Variants in NKAIN2 observed in about 807,000 individuals in gnomAD.
NKAIN2 encodes sodium/potassium transporting ATPase interacting 2.
A neutral mutation model predicts 32.6 loss-of-function variants in NKAIN2; 14 were observed. The ratio of observed to expected loss-of-function variants is 0.43; its 90% CI spans 0.28 to 0.67. The LOEUF is 0.67. NKAIN2 is among the 30% of genes least tolerant of loss of function. The pLI is 0.17. For synonymous variants in NKAIN2, 80 were observed against 87.2 expected (o/e 0.92, Z 0.46); for missense variants, 198 against 258.3 (o/e 0.77, Z 1.60).
At chr6:124,697,212 A>C (rs1774539308) in intron 4 of NKAIN2, among the ~76,000 whole-genome samples, 1 of 152,178 alleles carries the variant, frequency 6.6e-6, no homozygotes, top group South Asian at 2.1e-4. Flanking sequence ...AAAACAAATC[A>C]ACTAGATTTT....
intron 3 of NKAIN2, among the ~76,000 whole-genome samples, chr6:124,550,496 G>T (rs905063850): frequency 6.6e-6 from 1 of 152,026 alleles, no homozygotes; most frequent in Non-Finnish European, 1.5e-5. Context: ...TCTCCAAAGG[G>T]CCCTGGTTAC....
intron 1 of NKAIN2, among the ~76,000 whole-genome samples, chr6:124,259,822 T>C (rs1426628687): frequency 6.6e-6 from 1 of 152,174 alleles, no homozygotes; most frequent in Non-Finnish European, 1.5e-5. Context: ...CCTGGACACC[T>C]ATTTTTTTCA....
At chr6:124,023,042 ATATG>A (rs535131771) in intron 1 of NKAIN2, among the ~76,000 whole-genome samples, 1,752 of 151,440 alleles carry the variant, frequency 0.012, 14 homozygotes, top group Non-Finnish European at 0.015. Context: ...TTATATATAT[ATATG>A]TATGTATGTA....
At chr6:124,085,952 A>G (rs1437686839) in intron 1 of NKAIN2, among the ~76,000 whole-genome samples, 1 of 151,960 alleles carries the variant, frequency 6.6e-6, no homozygotes, top group Admixed American at 6.6e-5. Context: ...CTACTAGGTA[A>G]TGGGCTTTCA....
At chr6:124,031,442 C>T (rs543090068) in intron 1 of NKAIN2, among the ~76,000 whole-genome samples, 266 of 152,162 alleles carry the variant, frequency 1.7e-3, no homozygotes, top group African/African-American at 5.9e-3. Context: ...CATTTCTTGC[C>T]TTCTGTTAGC....
chr6:124,512,290 G>A (rs752549768), intron 3 of NKAIN2, among the ~76,000 whole-genome samples: 6 of 152,060 alleles, frequency 3.9e-5, no homozygotes, highest in East Asian at 1.9e-4. Flanking sequence ...TATCTCTGCC[G>A]GAGGCTCTAC....
intron 4 of NKAIN2, among the ~76,000 whole-genome samples, chr6:124,766,641 G>C (rs1397691325): frequency 6.6e-6 from 1 of 152,176 alleles, no homozygotes; most frequent in Non-Finnish European, 1.5e-5. Context: ...AGCACAGATA[G>C]TCACTGTTTG....
chr6:124,683,013 T>G (rs910062567), intron 4 of NKAIN2, among the ~76,000 whole-genome samples: 2 of 152,136 alleles, frequency 1.3e-5, no homozygotes, highest in African/African-American at 4.8e-5. Context: ...CATGATAAAT[T>G]TTCAACTCTC....
intron 3 of NKAIN2, among the ~76,000 whole-genome samples, chr6:124,465,451 A>C (rs1776707349): frequency 6.6e-6 from 1 of 151,966 alleles, no homozygotes; most frequent in Non-Finnish European, 1.5e-5. Flanking sequence ...ATGGACAAGG[A>C]AGGGAAACAT....
chr6:124,340,349 T>TA (rs1798065398), intron 2 of NKAIN2, among the ~76,000 whole-genome samples: 2 of 152,144 alleles, frequency 1.3e-5, no homozygotes, highest in Admixed American at 1.3e-4. Flanking sequence ...GATTATTTTT[T>TA]AAAAAAACTC....
At chr6:124,722,588 T>A (rs1776077266) in intron 4 of NKAIN2, among the ~76,000 whole-genome samples, 1 of 152,146 alleles carries the variant, frequency 6.6e-6, no homozygotes, top group African/African-American at 2.4e-5. Context: ...GGGTCTGTGC[T>A]CCTATGAGAA....
At chr6:123,804,858 A>T (rs1244025679) in intron 1 of NKAIN2, among the ~76,000 whole-genome samples, 1 of 152,196 alleles carries the variant, frequency 6.6e-6, no homozygotes, top group East Asian at 1.9e-4. Context: ...ACTCAGCAAC[A>T]CCATTGTCAT....
rs191599734 is a variant in NKAIN2, at chr6:124,691,615, C to T, written c.474+33229C>T. Among the ~76,000 whole-genome samples the T allele has an allele frequency of 1.9e-4, 29 of 152,144 alleles. No individual in the cohort carries two copies. The East Asian group carries it at 4.4e-3, about 23-fold the overall frequency. ...TTTACAGCTTTACATTTTTATTTTT[C>T]TTCTGAATTATCCAAGTTTACTTTC... is the stretch of plus-strand genomic sequence containing the variant. On this transcript the variant is annotated intron_variant, in intron 4 of 6. Coordinates refer to ENST00000368417, the MANE Select transcript of NKAIN2 (RefSeq NM_001040214.3).
chr6:124,473,246 A>T (rs1235406390), intron 3 of NKAIN2, among the ~76,000 whole-genome samples: 1 of 152,214 alleles, frequency 6.6e-6, no homozygotes, highest in Non-Finnish European at 1.5e-5. Flanking sequence ...AACAATGCTC[A>T]TTGTAAGTCT....
chr6:124,736,562 G>A (rs1048481788), intron 4 of NKAIN2, among the ~76,000 whole-genome samples: 1 of 151,910 alleles, frequency 6.6e-6, no homozygotes, highest in East Asian at 1.9e-4. Flanking sequence ...TAATGCAGCT[G>A]GTAACAAGTT....
At position 124,032,263 on chromosome 6, in the gene NKAIN2, G is replaced by C. The variant is rs866585927; in HGVS notation, c.54+228009G>C. Among the ~76,000 whole-genome samples, 13 of 122,050 alleles carry C rather than the reference G, an allele frequency of 1.1e-4. No homozygotes were observed. In the South Asian group the frequency reaches 3.4e-3, roughly 32 times the overall value. The allele number at this position is 122,050 out of a possible 152,430, so 80.1% of individuals were successfully genotyped here. A position where few individuals can be genotyped will look rare whatever the true frequency, so the allele number is the denominator to read the frequency against. On this transcript the variant is annotated intron_variant, in intron 1 of 6. Coordinates refer to ENST00000368417, the MANE Select transcript of NKAIN2 (RefSeq NM_001040214.3). The stretch of plus-strand genomic sequence containing the variant: ...ACATCACACACTGGGGTCTGTCGTG[G>C]GGTGGGGGGAGGGGGGAGGGATAGC...
At chr6:123,824,498 G>A (rs894520053) in intron 1 of NKAIN2, among the ~76,000 whole-genome samples, 4 of 152,016 alleles carry the variant, frequency 2.6e-5, no homozygotes, top group African/African-American at 9.7e-5. Flanking sequence ...CATTTTGGGA[G>A]GGTACCATCA....
At chr6:124,800,307 C>CCAGGTT (rs1263188286) in intron 5 of NKAIN2, among the ~76,000 whole-genome samples, 24 of 152,238 alleles carry the variant, frequency 1.6e-4, no homozygotes, top group East Asian at 3.9e-4. Flanking sequence ...AGGATGGCCA[C>CCAGGTT]CAGGTTTGCG....
At chr6:124,492,336 T>G (rs1777896477) in intron 3 of NKAIN2, among the ~76,000 whole-genome samples, 1 of 151,962 alleles carries the variant, frequency 6.6e-6, no homozygotes, top group South Asian at 2.1e-4. Flanking sequence ...TGAATGAGTT[T>G]TTTCTAGAAA....
Sources: gnomAD v4.1 joint callset for allele counts (sites outside exome capture counted in the v4.1 genomes callset) on GRCh38, gnomAD v4.1.1 for gene constraint, MANE v1.5 for transcripts, NCBI Gene and HGNC (gene_info 2026-07-23, HGNC 2026-07-21) for gene names.